NSRP1: variants seen among roughly 807,000 people sequenced by gnomAD.
NSRP1 encodes the protein nuclear speckle splicing regulatory protein 1.
A neutral mutation model predicts 54.7 loss-of-function variants in NSRP1; 24 were observed. The ratio of observed to expected loss-of-function variants is 0.44; its 90% confidence interval spans 0.32 to 0.62. The LOEUF (loss-of-function observed/expected upper bound fraction) is 0.62, where lower values mean the gene tolerates loss of function less well. Ranked by LOEUF, NSRP1 falls within the 20% of genes least tolerant of loss-of-function variation. The probability of loss-of-function intolerance (pLI) is 0.06; values close to 1 mark genes in which losing one functional copy is unlikely to be tolerated. For missense variants in NSRP1, 596 were observed against 651.2 expected (o/e 0.92, Z 0.92); for synonymous variants, 210 against 213.8 (o/e 0.98, Z 0.15).
chr17:30,147,905 G>A (rs561639050), intron 2 of NSRP1, among the ~76,000 whole-genome samples: 10 of 151,286 alleles, frequency 6.6e-5, no homozygotes, highest in African/African-American at 7.3e-5. Flanking sequence ...TCTGCTTCCC[G>A]GGTTCAAGCA....
intron 2 of NSRP1, chr17:30,168,695 A>G (rs943160309): frequency 1.3e-5 from 2 of 151,242 alleles, no homozygotes; most frequent in East Asian, 3.9e-4. Flanking sequence ...CTGAATCTAG[A>G]TGAGTTTTTT....
At chr17:30,172,003 C>CTT (rs1904964273) in intron 2 of NSRP1, among the ~76,000 whole-genome samples, 1 of 129,072 alleles carries the variant, frequency 7.7e-6, no homozygotes, top group East Asian at 3.7e-4. Context: ...CTCTCTCTCT[C>CTT]TCTCTCTCTC....
chr17:30,126,556 G>A (rs1013460134), intron 2 of NSRP1, among the ~76,000 whole-genome samples: 2 of 152,118 alleles, frequency 1.3e-5, no homozygotes, highest in African/African-American at 2.4e-5. Context: ...TAAAGTATGA[G>A]CTCTATGAGT....
chr17:30,179,472 A>C (rs1905231274), intron 5 of NSRP1, among the ~76,000 whole-genome samples, 175 bp downstream of exon 5: 1 of 152,242 alleles, frequency 6.6e-6, no homozygotes, highest in South Asian at 2.1e-4. Flanking sequence ...ACAGAAAGGA[A>C]AGTTTAACTA....
chr17:30,121,854 C>T (rs924020494), intron 2 of NSRP1, among the ~76,000 whole-genome samples: 7 of 152,230 alleles, frequency 4.6e-5, no homozygotes, highest in Admixed American at 2.0e-4. Flanking sequence ...AGGCGTGAGC[C>T]GCCGCGCCCG....
intron 2 of NSRP1, among the ~76,000 whole-genome samples, chr17:30,129,987 A>G (rs978824415): frequency 1.3e-5 from 2 of 152,232 alleles, no homozygotes; most frequent in African/African-American, 4.8e-5. Context: ...CATACTGGCT[A>G]AGAGTGAAAA....
intron 3 of NSRP1, among the ~76,000 whole-genome samples, chr17:30,174,238 T>C (rs1905051809): frequency 6.6e-6 from 1 of 152,186 alleles, no homozygotes; most frequent in Admixed American, 6.5e-5. Context: ...TTTATCTGTT[T>C]AGTGGGACTT....
chr17:30,136,204 C>T (rs2151884255), intron 2 of NSRP1, among the ~76,000 whole-genome samples: 2 of 152,228 alleles, frequency 1.3e-5, no homozygotes, highest in South Asian at 2.1e-4. Context: ...GGGTATGATA[C>T]AATTGAGAAC....
chr17:30,123,741 A>T lies in NSRP1; in HGVS notation c.114+5568A>T, dbSNP rs527359238. Among the ~76,000 whole-genome samples the T allele has an allele frequency of 1.5e-4, 23 of 151,888 alleles. No individual in the cohort carries two copies. In the South Asian group the frequency reaches 4.6e-3, roughly 30 times the overall value. ...ATTTTGAAATTTTTTTTTTTTAATA[A>T]TAAGAGAGAGGGGGTTCAACTTCAT... On this transcript the variant is annotated intron_variant, in intron 2 of 6. Transcript: ENST00000247026.
At chr17:30,169,911 C>T (rs556679881) in intron 2 of NSRP1, among the ~76,000 whole-genome samples, 1 of 150,764 alleles carries the variant, frequency 6.6e-6, no homozygotes, top group Non-Finnish European at 1.5e-5. Flanking sequence ...ATAGGCTGGA[C>T]TACTATAATT....
At chr17:30,141,634 C>T (rs1381295459) in intron 2 of NSRP1, among the ~76,000 whole-genome samples, 1 of 152,018 alleles carries the variant, frequency 6.6e-6, no homozygotes, top group African/African-American at 2.4e-5. Flanking sequence ...TACATATGTA[C>T]GTTTGAATAT....
intron 2 of NSRP1, among the ~76,000 whole-genome samples, chr17:30,123,742 TAAG>T (rs1033177261): frequency 1.3e-5 from 2 of 152,034 alleles, no homozygotes; most frequent in African/African-American, 4.8e-5. Flanking sequence ...TTTTTAATAA[TAAG>T]AGAGAGGGGG....
In NSRP1 at chr17:30,118,131, A is replaced by G. The variant is rs762777237; in HGVS notation, c.72A>G (p.Gln24=). The G allele has an allele frequency of 8.7e-6, 14 of 1,614,074 alleles. No homozygotes were observed. Among genetic ancestry groups the G allele is most frequent in the East Asian group, 2.2e-5 (1 of 44,856 alleles). Residue 24 remains glutamine, a synonymous_variant, in exon 2 of 7, where the codon CAA becomes CAG. Transcript: ENST00000247026. The part of the protein sequence containing the change: ...KKTQQLHPVL[Q]KPSVFGNDSD... Reference sequence around the variant, plus strand: ...CACAGCAGTTGCACCCTGTTTTGCAAAAACCATCAGTGTTTGGGAATGATT... The same window carrying G: ...CACAGCAGTTGCACCCTGTTTTGCAGAAACCATCAGTGTTTGGGAATGATT...
At chr17:30,182,246 A>G (rs534596871) in intron 6 of NSRP1, among the ~76,000 whole-genome samples, 70 of 152,278 alleles carry the variant, frequency 4.6e-4, no homozygotes, top group Admixed American at 4.1e-3. Context: ...GTTTTCATAA[A>G]TAGAACCCAG....
intron 6 of NSRP1, among the ~76,000 whole-genome samples, chr17:30,182,395 G>A (rs576595339): frequency 2.0e-5 from 3 of 152,322 alleles, no homozygotes; most frequent in Admixed American, 2.0e-4. Flanking sequence ...TGTTATCCCA[G>A]CACTTTGGGA....
chr17:30,181,616 T>TTG (rs2095374850), intron 6 of NSRP1, among the ~76,000 whole-genome samples: 1 of 146,440 alleles, frequency 6.8e-6, no homozygotes, highest in Non-Finnish European at 1.5e-5. Context: ...TTTTGTTTTT[T>TTG]TTTTTTTTAG....
intron 2 of NSRP1, among the ~76,000 whole-genome samples, chr17:30,143,500 T>C (rs2071824811): frequency 6.6e-6 from 1 of 152,174 alleles, no homozygotes; most frequent in Non-Finnish European, 1.5e-5. Context: ...AACTATTGCT[T>C]GTCTCTTGAA....
intron 2 of NSRP1, among the ~76,000 whole-genome samples, chr17:30,132,076 G>A (rs1020316232): frequency 1.3e-5 from 2 of 151,594 alleles, no homozygotes; most frequent in African/African-American, 2.4e-5. Context: ...GTGAAACCCC[G>A]TCTCTACTAA....
intron 2 of NSRP1, among the ~76,000 whole-genome samples, chr17:30,120,219 A>G (rs547753480): frequency 3.3e-5 from 5 of 152,010 alleles, no homozygotes; most frequent in African/African-American, 9.7e-5. Flanking sequence ...GTAGAATCAC[A>G]TTTTTCTTAA....
Sources: allele counts gnomAD v4.1 joint callset (sites outside exome capture counted in the v4.1 genomes callset), GRCh38; gene constraint gnomAD v4.1.1; transcripts MANE v1.5; gene names NCBI Gene and HGNC (gene_info 2026-07-23, HGNC 2026-07-21).